CNTNAP5: variants seen among roughly 807,000 people sequenced by gnomAD.
CNTNAP5 encodes the protein contactin associated protein family member 5, also known as contactin-associated protein-like 5.
In CNTNAP5, 72 loss-of-function variants were observed where a neutral mutation model predicts 150.2. The ratio of observed to expected loss-of-function variants is 0.48; its 90% CI spans 0.40 to 0.58. The LOEUF is 0.58. Ranked by LOEUF, CNTNAP5 falls within the 20% of genes least tolerant of loss-of-function variation. The pLI is 0.00. For synonymous variants in CNTNAP5, 672 were observed against 619.8 expected (o/e 1.08, Z -1.25); for missense variants, 1,636 against 1,626.2 (o/e 1.01, Z -0.10).
chr2:124,590,013 G>T (rs1241704557), intron 11 of CNTNAP5, among the ~76,000 whole-genome samples: 2 of 152,032 alleles, frequency 1.3e-5, no homozygotes, highest in Non-Finnish European at 2.9e-5. Context: ...GTTATTATGG[G>T]AGTGGGTTAG....
At chr2:124,470,424 T>A (rs1693482496) in intron 6 of CNTNAP5, among the ~76,000 whole-genome samples, 1 of 152,146 alleles carries the variant, frequency 6.6e-6, no homozygotes, top group Non-Finnish European at 1.5e-5. Context: ...GGTTGTTTTT[T>A]TCTAGTAAAT....
chr2:124,294,542 A>G (rs6708904), intron 3 of CNTNAP5, among the ~76,000 whole-genome samples: 53,629 of 151,998 alleles, frequency 0.35, 9,663 homozygotes, highest in South Asian at 0.51. Context: ...GGCAGGATCA[A>G]GCTTGGCAGT....
chr2:124,085,268 A>G (rs1243341661), intron 1 of CNTNAP5, among the ~76,000 whole-genome samples: 1 of 152,064 alleles, frequency 6.6e-6, no homozygotes, highest in East Asian at 1.9e-4. Flanking sequence ...GATATATTTC[A>G]TGTTTGGTTG....
chr2:124,206,681 C>G (rs1315798004), intron 1 of CNTNAP5, among the ~76,000 whole-genome samples: 1 of 152,128 alleles, frequency 6.6e-6, no homozygotes, highest in Admixed American at 6.5e-5. Context: ...ATCAGAGGCA[C>G]CTAGGAGCTT....
At chr2:124,461,559 G>T (rs984825361) in intron 6 of CNTNAP5, among the ~76,000 whole-genome samples, 6 of 150,814 alleles carry the variant, frequency 4.0e-5, no homozygotes, top group Non-Finnish European at 5.9e-5. Context: ...GATAGCATTA[G>T]GAGATATACC....
At chr2:124,084,971 G>C (rs1317353750) in intron 1 of CNTNAP5, among the ~76,000 whole-genome samples, 2 of 106,674 alleles carry the variant, frequency 1.9e-5, no homozygotes, top group Non-Finnish European at 1.7e-5. Context: ...GCCCAGGCTG[G>C]AGTGCAGTGG....
chr2:124,231,272 A>G (rs1319795660), intron 2 of CNTNAP5, among the ~76,000 whole-genome samples: 1 of 152,154 alleles, frequency 6.6e-6, no homozygotes, highest in Admixed American at 6.6e-5. Flanking sequence ...TGGCTAAGTT[A>G]TTAAAAAGAA....
chr2:124,718,972 A>T (rs1573571280), intron 13 of CNTNAP5, among the ~76,000 whole-genome samples: 1 of 151,646 alleles, frequency 6.6e-6, no homozygotes, highest in African/African-American at 2.4e-5. Context: ...GGGAAATAAG[A>T]CCAGTGCCTA....
intron 1 of CNTNAP5, among the ~76,000 whole-genome samples, chr2:124,117,370 G>A (rs1046112071): frequency 1.3e-5 from 2 of 152,034 alleles, no homozygotes; most frequent in Admixed American, 1.3e-4. Flanking sequence ...AAACTCTGTG[G>A]AGGCAGAGAC....
chr2:124,794,573 T>C (rs1681805190), intron 18 of CNTNAP5, among the ~76,000 whole-genome samples: 1 of 152,252 alleles, frequency 6.6e-6, no homozygotes, highest in South Asian at 2.1e-4. Flanking sequence ...GGGTGCTCTT[T>C]ACATATTGCC....
At chr2:124,276,780 T>C (rs934094537) in intron 3 of CNTNAP5, among the ~76,000 whole-genome samples, 4 of 152,154 alleles carry the variant, frequency 2.6e-5, no homozygotes, top group African/African-American at 9.6e-5. Flanking sequence ...TATAGACAAA[T>C]GAGTGTGCAC....
At chr2:124,101,099 T>C (rs1683052213) in intron 1 of CNTNAP5, among the ~76,000 whole-genome samples, 1 of 152,110 alleles carries the variant, frequency 6.6e-6, no homozygotes, top group Non-Finnish European at 1.5e-5. Flanking sequence ...TCACGACAGA[T>C]ATTGAGGAGA....
In CNTNAP5 at chr2:124,262,993, G is replaced by A. The variant is rs578086924; in HGVS notation, c.381+20600G>A. ...AGGACATGAACTCATCATTTTTTAT[G>A]GCTACATAGTATTCCATGGTGTATA... On this transcript the variant is annotated intron_variant, in intron 3 of 23. Coordinates refer to ENST00000682447, the MANE Select transcript of CNTNAP5 (RefSeq NM_001367498.1). Among the ~76,000 whole-genome samples the A allele has an allele frequency of 5.9e-4, 90 of 152,082 alleles. 1 individual carries two copies. The highest frequency in any genetic ancestry group is 2.0e-3 in the African/African-American group (85 of 41,490).
intron 3 of CNTNAP5, among the ~76,000 whole-genome samples, chr2:124,308,019 G>A (rs968932571): frequency 6.6e-6 from 1 of 152,136 alleles, no homozygotes; most frequent in Non-Finnish European, 1.5e-5. Context: ...GGTACTCTGT[G>A]GTTCAGGGTG....
At chr2:124,809,196 G>A (rs1381811809) in intron 19 of CNTNAP5, among the ~76,000 whole-genome samples, 4 of 152,072 alleles carry the variant, frequency 2.6e-5, no homozygotes, top group African/African-American at 9.7e-5. Context: ...TCAGTCATAA[G>A]TGTGAACAAA....
chr2:124,454,762 T>C (rs1490330450), intron 6 of CNTNAP5, among the ~76,000 whole-genome samples: 4 of 152,074 alleles, frequency 2.6e-5, no homozygotes, highest in African/African-American at 9.7e-5. Flanking sequence ...TGCAAATACA[T>C]GGAAATTAAA....
At chr2:124,259,307 G>T (rs550930062) in intron 3 of CNTNAP5, among the ~76,000 whole-genome samples, 1 of 152,044 alleles carries the variant, frequency 6.6e-6, no homozygotes, top group Non-Finnish European at 1.5e-5. Context: ...GAGTAGTGCC[G>T]CAATAAACAT....
At chr2:124,203,197 C>A (rs1263635264) in intron 1 of CNTNAP5, among the ~76,000 whole-genome samples, 1 of 152,130 alleles carries the variant, frequency 6.6e-6, no homozygotes, top group East Asian at 1.9e-4. Context: ...CAAAATCCAG[C>A]AGGGGAATCA....
intron 3 of CNTNAP5, among the ~76,000 whole-genome samples, chr2:124,368,746 G>A (rs942662401): frequency 7.2e-5 from 11 of 152,174 alleles, no homozygotes; most frequent in African/African-American, 2.4e-4. Flanking sequence ...TTGTGCTGGG[G>A]GTGGGAGGCC....
Sources: gnomAD v4.1 joint callset for allele counts (sites outside exome capture counted in the v4.1 genomes callset) on GRCh38, gnomAD v4.1.1 for gene constraint, MANE v1.5 for transcripts, NCBI Gene and HGNC (gene_info 2026-07-23, HGNC 2026-07-21) for gene names.